VPS13C: variants seen among roughly 807,000 people sequenced by gnomAD.
VPS13C encodes vacuolar protein sorting 13 homolog C, also known as intermembrane lipid transfer protein VPS13C.
A neutral mutation model predicts 456.8 loss-of-function variants in VPS13C; 358 were observed. The ratio of observed to expected loss-of-function variants is 0.78; its 90% CI spans 0.72 to 0.86. The LOEUF (loss-of-function observed/expected upper bound fraction) is 0.86, where lower values mean the gene tolerates loss of function less well. VPS13C is among the 40% of genes least tolerant of loss of function. VPS13C has a pLI of 0.00. For missense variants in VPS13C, 4,818 were observed against 4,385.4 expected, an observed-to-expected ratio of 1.10 and a Z score of -2.79; for synonymous variants, 1,578 against 1,486.7, an observed-to-expected ratio of 1.06 and a Z score of -1.41.
chr15:61,888,868 G>T (rs1350477986), intron 67 of VPS13C, among the ~76,000 whole-genome samples: 1 of 152,060 alleles, frequency 6.6e-6, no homozygotes, highest in African/African-American at 2.4e-5. Flanking sequence ...AGATAATAAT[G>T]GAGTTAGACA....
intron 5 of VPS13C, among the ~76,000 whole-genome samples, chr15:62,032,664 C>A (rs2047857788): frequency 6.6e-6 from 1 of 151,680 alleles, no homozygotes; most frequent in Admixed American, 6.6e-5. Flanking sequence ...TCATTTCTAA[C>A]TCAATATTTG....
intron 2 of VPS13C, among the ~76,000 whole-genome samples, chr15:62,043,191 T>C (rs2048296558): frequency 1.3e-5 from 2 of 152,218 alleles, no homozygotes. Flanking sequence ...TTTGAGCACC[T>C]ACTAAGTGCC....
At chr15:62,058,891 T>G (rs191477117) in intron 1 of VPS13C, among the ~76,000 whole-genome samples, 5 of 151,160 alleles carry the variant, frequency 3.3e-5, no homozygotes, top group Admixed American at 2.6e-4. Context: ...CACTCCAGCC[T>G]TGGCAACAGA....
At chr15:61,866,728 T>C (rs1413696240) in intron 81 of VPS13C, 2 of 985,074 alleles carry the variant, frequency 2.0e-6, no homozygotes, top group Non-Finnish European at 2.4e-6. Context: ...ATTTCCTTTG[T>C]ATATCTAGCA....
Position 61,936,393 on chromosome 15 carries a change from A to G in VPS13C, c.5755+204T>C, listed in dbSNP as rs17271256. 7.5e-3 allele frequency among the ~76,000 whole-genome samples: 1,141 copies of G among 152,300 alleles called. 6 individuals carry two copies. The highest frequency in any genetic ancestry group is 0.012 in the Non-Finnish European group (835 of 68,026). On this transcript the variant is annotated intron_variant, in intron 48 of 84. Coordinates refer to ENST00000644861, the MANE Select transcript of VPS13C (RefSeq NM_020821.3). ...TAGCATTCACAAGTAAAGGGTAAAC[A>G]AGCACCATGCCAACAACAAGTGACC...
intron 39 of VPS13C, 35 bp from the exon 40 acceptor site, chr15:61,951,059 T>C: frequency 1.4e-6 from 2 of 1,405,262 alleles, no homozygotes; most frequent in Non-Finnish European, 2.0e-6. Flanking sequence ...GATCCATCAA[T>C]TAAACATTTC....
In VPS13C at chr15:61,931,212, G is replaced by A. The variant is rs761883921; in HGVS notation, c.5916C>T (p.Leu1972=). Residue 1972 remains leucine (L), a synonymous_variant, in exon 50 of 85, where the codon CTC becomes CTT. Coordinates refer to ENST00000644861, the MANE Select transcript of VPS13C (RefSeq NM_020821.3). ...FHNDSFQLGE[L]RLHLMASSGK... ...CTGAGGAGGCCATAAGATGTAGTCT[G>A]AGTTCACCAAGTTGGAAACTGTCAT... 1 of 1,614,064 alleles carries A rather than the reference G, an allele frequency of 6.2e-7. No homozygotes were observed. Among genetic ancestry groups the A allele is most frequent in the East Asian group, 2.2e-5 (1 of 44,870 alleles).
chr15:61,981,771 G>A lies in VPS13C; in HGVS notation c.2030-293C>T, dbSNP rs1354759827. Among the ~76,000 whole-genome samples the A allele has an allele frequency of 2.0e-5, 3 of 152,146 alleles. No homozygotes were observed. In the South Asian group the frequency reaches 6.2e-4, roughly 32 times the overall value. On this transcript the variant is annotated intron_variant, in intron 21 of 84. Coordinates refer to ENST00000644861, the MANE Select transcript of VPS13C (RefSeq NM_020821.3). ...CCAGCTACTTGGGAGGCTGAGGCAG[G>A]AGAATGGCGTGAACCCAGGAGGCGG... is the stretch of plus-strand genomic sequence containing the variant.
Position 61,869,568 on chromosome 15 carries a change from C to T in VPS13C, c.10680G>A (p.Val3560=). 1 of 1,614,132 alleles carries T rather than the reference C, an allele frequency of 6.2e-7. No individual in the cohort carries two copies. Among genetic ancestry groups the T allele is most frequent in the East Asian group, 2.2e-5 (1 of 44,880 alleles). Residue 3560 remains valine, a synonymous_variant, in exon 80 of 85, where the codon GTG becomes GTA. Transcript: ENST00000644861. ...GFFKGIGKGL[V]GAVARPTGGI... is the part of the protein sequence containing the mutation. ...CACCAGTTGGACGGGCCACAGCACCCACAAGCCCTTTTCCAATTCCTTTAA... is the reference window on the plus strand; with the variant it reads ...CACCAGTTGGACGGGCCACAGCACCTACAAGCCCTTTTCCAATTCCTTTAA...
intron 15 of VPS13C, among the ~76,000 whole-genome samples, chr15:62,005,617 G>A (rs1007982419): frequency 1.3e-5 from 2 of 151,516 alleles, no homozygotes; most frequent in East Asian, 3.9e-4. Context: ...TAGTCTCGAT[G>A]GTCTTTACAT....
At position 61,920,621 on chromosome 15, in the gene VPS13C, T is replaced by C; in HGVS notation, c.7089A>G (p.Lys2363=). 1 of 1,585,078 alleles carries C rather than the reference T, an allele frequency of 6.3e-7. No homozygotes were observed. Among genetic ancestry groups the C allele is most frequent in the Non-Finnish European group, 8.5e-7 (1 of 1,172,440 alleles). ...LDVKKNPVQD[K]SLLPGDDFIP... is the part of the protein sequence containing the mutation. ...TAAAATCATCTCCTGGCAGCAAACT[T>C]TTATCCTGAACTGGGTTCTTCTTTA... The change falls in exon 56 of 85, where the codon AAA becomes AAG. Residue 2363 remains lysine, a synonymous_variant. Coordinates refer to ENST00000644861, the MANE Select transcript of VPS13C (RefSeq NM_020821.3).
At position 61,920,189 on chromosome 15, in the gene VPS13C, T is replaced by G. The variant is rs765319193; in HGVS notation, c.7355A>C (p.Asp2452Ala). The part of the protein sequence containing the change: ...LRVMGFPEKS[D>A]IFDVDAGQNL... ...CTGGCCAGCATCAACATCAAAAATA[T>G]CACTTTTCTCAGGGAAGCCCATTAC... Residue 2452 changes from aspartate (D) to alanine (A), a missense_variant, in exon 57 of 85, where the codon GAT (aspartate) becomes GCT (alanine). Physicochemically the swap from Asp to Ala is moderately radical, Grantham distance 126. Around this residue, in one of 3 missense-constraint regions of VPS13C, gnomAD observed 4,552 missense variants for 4,130.6 expected, o/e 1.10. Transcript: ENST00000644861. 1 of 1,613,610 alleles carries G rather than the reference T, an allele frequency of 6.2e-7. No homozygotes were observed. The highest frequency in any genetic ancestry group is 1.1e-5 in the South Asian group (1 of 91,048).
At position 61,927,195 on chromosome 15, in the gene VPS13C, G is replaced by T; in HGVS notation, c.6412C>A (p.Leu2138Met). 1 of 1,614,170 alleles carries T rather than the reference G, an allele frequency of 6.2e-7. No homozygotes were observed. Among genetic ancestry groups the T allele is most frequent in the Non-Finnish European group, 8.5e-7 (1 of 1,180,026 alleles). Residue 2138 changes from leucine (L) to methionine (M), a missense_variant, in exon 52 of 85, where the codon CTG (leucine) becomes ATG (methionine). Coordinates refer to ENST00000644861, the MANE Select transcript of VPS13C (RefSeq NM_020821.3). ...LTASFQCNLS[L>M]STSKLEQMME... The stretch of plus-strand genomic sequence containing the variant: ...ATCTGTTCGAGTTTGGATGTTGACA[G>T]AGAAAGGTTGCACTGAAACGAGGCT...
At chr15:61,963,122 C>T (rs143928126) in intron 32 of VPS13C, among the ~76,000 whole-genome samples, 2 of 152,034 alleles carry the variant, frequency 1.3e-5, no homozygotes, top group Admixed American at 1.3e-4. Flanking sequence ...GTAAATTATC[C>T]TTTATACCTT....
At chr15:61,903,833 T>G (rs2043075396) in intron 66 of VPS13C, among the ~76,000 whole-genome samples, 1 of 152,142 alleles carries the variant, frequency 6.6e-6, no homozygotes, top group African/African-American at 2.4e-5. Flanking sequence ...TCCATGCATT[T>G]ACAGCCAACT....
chr15:62,012,588 G>A (rs1030740791), intron 11 of VPS13C, among the ~76,000 whole-genome samples: 1 of 151,738 alleles, frequency 6.6e-6, no homozygotes, highest in Non-Finnish European at 1.5e-5. Flanking sequence ...AATAAACATG[G>A]CTAAGACTGG....
intron 61 of VPS13C, among the ~76,000 whole-genome samples, chr15:61,914,797 G>A (rs927061416): frequency 6.9e-6 from 1 of 145,802 alleles, no homozygotes; most frequent in Admixed American, 7.0e-5. Context: ...CTGACCTCAG[G>A]TGATCCACCA....
chr15:61,989,054 A>G (rs911474487), intron 18 of VPS13C, among the ~76,000 whole-genome samples: 5 of 151,582 alleles, frequency 3.3e-5, no homozygotes, highest in Non-Finnish European at 5.9e-5. Context: ...AAGAAAATAA[A>G]TATTAAAAAT....
At position 61,958,688 on chromosome 15, in the gene VPS13C, A is replaced by C; in HGVS notation, c.4085T>G (p.Leu1362Arg). The change falls in exon 37 of 85, where the codon CTT becomes CGT. Residue 1362 changes from leucine (L) to arginine (R), a missense_variant. Leu to Arg is a moderately radical substitution (Grantham distance 102, BLOSUM62 -2). This residue lies in a region of VPS13C where 4,552 missense variants were observed against 4,130.6 expected (regional missense o/e 1.10). Coordinates refer to ENST00000644861, the MANE Select transcript of VPS13C (RefSeq NM_020821.3). ...ATTTTCTGTTAGTATCCTAAATAAA[A>C]GATTAAGATCTTCTTGATTTAGACT... ...NVSLNQEDLN[L>R]LFRILTENLC... 1 of 1,560,424 alleles carries C rather than the reference A, an allele frequency of 6.4e-7. No homozygotes were observed. The highest frequency in any genetic ancestry group is 1.2e-5 in the South Asian group (1 of 82,578).
Sources: allele counts gnomAD v4.1 joint callset (sites outside exome capture counted in the v4.1 genomes callset), GRCh38; gene constraint gnomAD v4.1.1; regional missense constraint gnomAD v4.1.1; transcripts MANE v1.5; gene names NCBI Gene and HGNC (gene_info 2026-07-23, HGNC 2026-07-21).